KCNQ5: variants seen among roughly 807,000 people sequenced by gnomAD.
The protein encoded by KCNQ5 is potassium voltage-gated channel subfamily KQT member 5.
A neutral mutation model predicts 98.2 loss-of-function variants in KCNQ5; 30 were observed. The observed-to-expected ratio is 0.31, with a 90% CI of 0.23 to 0.41. KCNQ5 has a LOEUF of 0.41. KCNQ5 is among the 10% of genes least tolerant of loss of function. KCNQ5 has a pLI of 1.00. For missense variants in KCNQ5, 835 were observed against 1,182.5 expected, an observed-to-expected ratio of 0.71 and a Z score of 4.31; for synonymous variants, 458 against 449.4, an observed-to-expected ratio of 1.02 and a Z score of -0.24.
At chr6:72,637,930 T>G (rs2098925149) in intron 1 of KCNQ5, among the ~76,000 whole-genome samples, 1 of 152,198 alleles carries the variant, frequency 6.6e-6, no homozygotes, top group South Asian at 2.1e-4. Flanking sequence ...TATTTTTCTC[T>G]AGAAGAAACC....
At chr6:72,994,221 A>C (rs1344069738) in intron 1 of KCNQ5, among the ~76,000 whole-genome samples, 1 of 83,638 alleles carries the variant, frequency 1.2e-5, no homozygotes, top group Non-Finnish European at 2.2e-5. Context: ...TTGTTTACCT[A>C]AGCAAGCCTG....
At chr6:73,163,479 G>A (rs1777688136) in intron 10 of KCNQ5, among the ~76,000 whole-genome samples, 2 of 152,194 alleles carry the variant, frequency 1.3e-5, no homozygotes, top group African/African-American at 4.8e-5. Flanking sequence ...AGGCATGGTG[G>A]CTCACACCTG....
chr6:72,670,833 G>A (rs905576018), intron 1 of KCNQ5, among the ~76,000 whole-genome samples: 2 of 152,080 alleles, frequency 1.3e-5, no homozygotes, highest in African/African-American at 2.4e-5. Context: ...ACCTCAATAG[G>A]TAAGGACATA....
intron 1 of KCNQ5, among the ~76,000 whole-genome samples, chr6:72,896,427 C>G (rs1779255558): frequency 6.6e-6 from 1 of 151,002 alleles, no homozygotes; most frequent in South Asian, 2.1e-4. Context: ...GTAATATCTA[C>G]TTGTAAAAAA....
intron 1 of KCNQ5, among the ~76,000 whole-genome samples, chr6:72,831,813 G>T (rs1373297888): frequency 1.3e-5 from 2 of 152,064 alleles, no homozygotes; most frequent in African/African-American, 2.4e-5. Context: ...TTTTACTAGG[G>T]TTAAACTGGA....
At chr6:73,056,447 C>T (rs1454119795) in intron 3 of KCNQ5, among the ~76,000 whole-genome samples, 1 of 151,782 alleles carries the variant, frequency 6.6e-6, no homozygotes, top group Non-Finnish European at 1.5e-5. Context: ...AAACAATAAC[C>T]CTTCTAAGGG....
At chr6:73,006,054 G>A (rs550964009) in intron 2 of KCNQ5, among the ~76,000 whole-genome samples, 1 of 152,026 alleles carries the variant, frequency 6.6e-6, no homozygotes, top group Non-Finnish European at 1.5e-5. Flanking sequence ...AATTAGGAAA[G>A]CATTAATATT....
Position 73,180,298 on chromosome 6 carries a change from C to T in KCNQ5, c.1578-10275C>T, listed in dbSNP as rs138910037. On this transcript the variant is annotated intron_variant, in intron 11 of 13. Transcript: ENST00000370398. Reference sequence around the variant, plus strand: ...AATACTCAGCACAACGTCATAGGTACTCAATGAATATTCATTGAAAGAATG... The same window carrying T: ...AATACTCAGCACAACGTCATAGGTATTCAATGAATATTCATTGAAAGAATG... Among the ~76,000 whole-genome samples the T allele has an allele frequency of 1.1e-4, 17 of 152,306 alleles. No homozygotes were observed. The East Asian group carries it at 3.3e-3, about 29-fold the overall frequency.
intron 1 of KCNQ5, among the ~76,000 whole-genome samples, chr6:72,681,731 A>G (rs775175469): frequency 1.3e-5 from 2 of 152,180 alleles, no homozygotes; most frequent in Non-Finnish European, 2.9e-5. Flanking sequence ...TATCATCATC[A>G]TGCTGTGATC....
intron 10 of KCNQ5, among the ~76,000 whole-genome samples, chr6:73,137,061 T>C (rs1420767417): frequency 6.6e-6 from 1 of 152,054 alleles, no homozygotes; most frequent in South Asian, 2.1e-4. Context: ...AAAGTTATAT[T>C]TGGAAAATAA....
At chr6:73,059,017 G>T (rs1772656804) in intron 3 of KCNQ5, among the ~76,000 whole-genome samples, 1 of 152,138 alleles carries the variant, frequency 6.6e-6, no homozygotes, top group Non-Finnish European at 1.5e-5. Flanking sequence ...ATTTCTCAAA[G>T]AACTCAAAAT....
At chr6:72,688,744 T>C (rs1310074295) in intron 1 of KCNQ5, among the ~76,000 whole-genome samples, 2 of 152,220 alleles carry the variant, frequency 1.3e-5, no homozygotes, top group Non-Finnish European at 2.9e-5. Context: ...GCATCGTATT[T>C]ATCTATAGAC....
At chr6:72,874,468 G>A (rs1042808998) in intron 1 of KCNQ5, among the ~76,000 whole-genome samples, 41 of 152,206 alleles carry the variant, frequency 2.7e-4, no homozygotes, top group African/African-American at 8.9e-4. Context: ...ATCATACAAT[G>A]AGATTTTGCA....
intron 1 of KCNQ5, chr6:72,677,102 A>G (rs1767452863): frequency 6.6e-6 from 1 of 152,162 alleles, no homozygotes; most frequent in Non-Finnish European, 1.5e-5. Context: ...CAGTGGGTCA[A>G]CCAAAACCGC....
At chr6:72,865,000 A>G (rs1390643152) in intron 1 of KCNQ5, among the ~76,000 whole-genome samples, 1 of 152,222 alleles carries the variant, frequency 6.6e-6, no homozygotes, top group African/African-American at 2.4e-5. Context: ...TCTTTCATCC[A>G]GGAAACACTT....
At chr6:73,031,669 A>G (rs1771152687) in intron 2 of KCNQ5, among the ~76,000 whole-genome samples, 1 of 152,166 alleles carries the variant, frequency 6.6e-6, no homozygotes, top group South Asian at 2.1e-4. Flanking sequence ...TCTTCCCCCA[A>G]TAGATTATAA....
intron 1 of KCNQ5, among the ~76,000 whole-genome samples, chr6:72,971,677 T>C (rs1767907421): frequency 6.6e-6 from 1 of 152,240 alleles, no homozygotes; most frequent in East Asian, 1.9e-4. Context: ...GATGAGTTCA[T>C]GTCCTTTGTA....
chr6:72,911,109 TGACAA>T (rs1477480949), intron 1 of KCNQ5, among the ~76,000 whole-genome samples: 1 of 152,034 alleles, frequency 6.6e-6, no homozygotes, highest in Non-Finnish European at 1.5e-5. Flanking sequence ...AGCAAGAAAA[TGACAA>T]GACGAGATTT....
At chr6:72,654,736 A>C (rs1308598284) in intron 1 of KCNQ5, among the ~76,000 whole-genome samples, 1 of 152,078 alleles carries the variant, frequency 6.6e-6, no homozygotes, top group Non-Finnish European at 1.5e-5. Context: ...ACAGAAAATG[A>C]AGATAAAGAT....
Sources: allele counts gnomAD v4.1 joint callset (sites outside exome capture counted in the v4.1 genomes callset), GRCh38; gene constraint gnomAD v4.1.1; transcripts MANE v1.5; gene names NCBI Gene and HGNC (gene_info 2026-07-23, HGNC 2026-07-21).